DPPA3: variants seen among roughly 807,000 people sequenced by gnomAD.
The protein encoded by DPPA3 is developmental pluripotency-associated protein 3.
DPPA3 carries 9 observed loss-of-function variants against 15.6 expected under a neutral mutation model. That is an observed-to-expected ratio of 0.58 (90% CI 0.35 to 1.01). The LOEUF is 1.01. Among genes scored for constraint, DPPA3 ranks in the 50% least tolerant of loss-of-function variants. The pLI is 0.02. For missense variants in DPPA3, 148 were observed against 194.6 expected (o/e 0.76, Z 1.42); for synonymous variants, 61 against 70.9 (o/e 0.86, Z 0.70).
Position 7,716,239 on chromosome 12 carries a change from G to A in DPPA3, c.369G>A (p.Lys123=). ...RPTNKEPKGV[K]KESRPFKCPC... ...CAAACAAGGAGCCTAAGGGAGTTAA[G>A]GTAAGTATAATTTTTTTCTTTTTAT... is the stretch of plus-strand genomic sequence containing the variant. The change falls in exon 3 of 4, where the codon AAG becomes AAA. Residue 123 remains lysine, a splice_region_variant and synonymous_variant. Transcript: ENST00000345088. 6.3e-7 allele frequency: 1 copy of A among 1,579,712 alleles called. No homozygotes were observed. Among genetic ancestry groups the A allele is most frequent in the Non-Finnish European group, 8.6e-7 (1 of 1,167,206 alleles).
chr12:7,713,792 C>T (rs1311579469), intron 1 of DPPA3, among the ~76,000 whole-genome samples: 6 of 152,222 alleles, frequency 3.9e-5, no homozygotes. Flanking sequence ...TCACAAGATT[C>T]CACAGAATGT....
intron 1 of DPPA3, among the ~76,000 whole-genome samples, chr12:7,713,963 T>C (rs1326678616): frequency 6.6e-6 from 1 of 152,090 alleles, no homozygotes; most frequent in Non-Finnish European, 1.5e-5. Flanking sequence ...CAATGAGCCA[T>C]GATAGTGCCA....
intron 3 of DPPA3, 75 bp from the exon 4 acceptor site, chr12:7,716,892 C>T: frequency 3.0e-6 from 4 of 1,345,106 alleles, no homozygotes; most frequent in Non-Finnish European, 3.2e-6. Context: ...AAATAAACAA[C>T]ATTATAGTTG....
intron 1 of DPPA3, 68 bp downstream of exon 1, chr12:7,711,720 CT>C (rs3069565): frequency 0.039 from 13,033 of 337,500 alleles, 989 homozygotes; most frequent in African/African-American, 0.083. Context: ...AGGCTGCCGT[CT>C]TTTTTTTTTT....
At position 7,711,555 on chromosome 12, in the gene DPPA3, T is replaced by C. The variant is rs1565453902; in HGVS notation, c.-16T>C. ...TCAAAGATCCTGGAGAAGCCTAGTGTTGTGTCAAGACGCCGATGGACCCAT... is the reference window on the plus strand; with the variant it reads ...TCAAAGATCCTGGAGAAGCCTAGTGCTGTGTCAAGACGCCGATGGACCCAT... On this transcript the variant is annotated 5_prime_UTR_variant, in exon 1 of 4. Transcript: ENST00000345088. 6.2e-7 allele frequency: 1 copy of C among 1,611,836 alleles called. No homozygotes were observed. Among genetic ancestry groups the C allele is most frequent in the Admixed American group, 1.7e-5 (1 of 59,576 alleles).
At chr12:7,716,925 G>T (rs749207668) in intron 3 of DPPA3, 42 bp from the exon 4 acceptor site, 12 of 1,505,816 alleles carry the variant, frequency 8.0e-6, no homozygotes, top group Non-Finnish European at 1.8e-6. Context: ...ATTTCTCTGG[G>T]GTACAATATT....
chr12:7,714,707 T>C (rs1199917534), intron 1 of DPPA3, among the ~76,000 whole-genome samples: 1 of 143,442 alleles, frequency 7.0e-6, no homozygotes, highest in Non-Finnish European at 1.6e-5. Context: ...ATTTCTATTT[T>C]TATTTTTATT....
At chr12:7,714,413 A>G (rs900918032) in intron 1 of DPPA3, among the ~76,000 whole-genome samples, 1 of 121,198 alleles carries the variant, frequency 8.3e-6, no homozygotes, top group Non-Finnish European at 2.0e-5. Flanking sequence ...GATTGGTTGG[A>G]AAAAATTCTC....
rs1211457619 is a variant in DPPA3, at chr12:7,717,085, T to C, written c.*8T>C. Reference sequence around the variant, plus strand: ...AAGCCACTTCAGCCATAAATCTTATTCTTGCACCTTTTTTTCTTGGTAGTA... The same window carrying C: ...AAGCCACTTCAGCCATAAATCTTATCCTTGCACCTTTTTTTCTTGGTAGTA... On this transcript the variant is annotated 3_prime_UTR_variant, in exon 4 of 4. Transcript: ENST00000345088. 6.3e-7 allele frequency: 1 copy of C among 1,586,170 alleles called. No homozygotes were observed. The highest frequency in any genetic ancestry group is 8.6e-7 in the Non-Finnish European group (1 of 1,159,700).
intron 2 of DPPA3, 74 bp from the exon 3 acceptor site, chr12:7,716,124 C>T: frequency 7.7e-7 from 1 of 1,299,212 alleles, no homozygotes; most frequent in Non-Finnish European, 1.1e-6. Flanking sequence ...TAGCTTCTCT[C>T]CCTTATATAG....
intron 1 of DPPA3, 150 bp from the exon 2 acceptor site, chr12:7,715,033 A>G (rs1864382345): frequency 8.1e-7 from 1 of 1,228,068 alleles, no homozygotes; most frequent in Non-Finnish European, 1.1e-6. Flanking sequence ...TTTTTGAGAA[A>G]AGACTAGAGG....
At chr12:7,712,724 G>A (rs946406588) in intron 1 of DPPA3, among the ~76,000 whole-genome samples, 11 of 151,908 alleles carry the variant, frequency 7.2e-5, no homozygotes, top group Non-Finnish European at 1.5e-4. Flanking sequence ...GGGATTACAG[G>A]CGTAAGCCAG....
chr12:7,711,837 T>C (rs1484441889), intron 1 of DPPA3, among the ~76,000 whole-genome samples, 185 bp downstream of exon 1: 1 of 148,520 alleles, frequency 6.7e-6, no homozygotes, highest in Non-Finnish European at 1.5e-5. Flanking sequence ...AAGACTTTAT[T>C]AAAAGCGGTG....
chr12:7,716,845 CCT>C, intron 3 of DPPA3, 120 bp from the exon 4 acceptor site: 1 of 909,260 alleles, frequency 1.1e-6, no homozygotes, highest in African/African-American at 1.7e-5. Flanking sequence ...GCCCGTGTGT[CCT>C]TTTTTGTGTG....
chr12:7,716,357 C>G (rs1864399334), intron 3 of DPPA3, 118 bp downstream of exon 3: 2 of 761,200 alleles, frequency 2.6e-6, no homozygotes, highest in Non-Finnish European at 4.2e-6. Context: ...CTTGGACTTT[C>G]TGAATCCCCA....
chr12:7,715,701 G>C (rs1350076098), intron 2 of DPPA3, among the ~76,000 whole-genome samples: 1 of 152,116 alleles, frequency 6.6e-6, no homozygotes, highest in Non-Finnish European at 1.5e-5. Flanking sequence ...GGAGGCTGAG[G>C]CTAGAGAATT....
At chr12:7,714,977 T>C (rs1334452901) in intron 1 of DPPA3, among the ~76,000 whole-genome samples, 1 of 151,960 alleles carries the variant, frequency 6.6e-6, no homozygotes, top group Non-Finnish European at 1.5e-5. Context: ...CCTCCCAAAG[T>C]GCTGGGATTA....
chr12:7,717,037 C>T lies in DPPA3; in HGVS notation c.440C>T (p.Ala147Val), dbSNP rs752855109. 1 of 1,613,586 alleles carries T rather than the reference C, an allele frequency of 6.2e-7. No individual in the cohort carries two copies. Among genetic ancestry groups the T allele is most frequent in the Non-Finnish European group, 8.5e-7 (1 of 1,179,900 alleles). The change falls in exon 4 of 4, where the codon GCT becomes GTT. Residue 147 changes from alanine to valine, a missense_variant. Physicochemically the swap from Ala to Val is moderately conservative, Grantham distance 64 (BLOSUM62 0). Coordinates refer to ENST00000345088, the MANE Select transcript of DPPA3 (RefSeq NM_199286.4). The stretch of plus-strand genomic sequence containing the variant: ...AATGGATGGGATCCTTCTGAGAATG[C>T]TAGAATAGGGAATCAAGACACCAAG... ...VSNGWDPSEN[A>V]RIGNQDTKPL...
chr12:7,711,970 C>A (rs1592080335), intron 1 of DPPA3, among the ~76,000 whole-genome samples: 1 of 145,696 alleles, frequency 6.9e-6, no homozygotes, highest in East Asian at 2.0e-4. Flanking sequence ...GGCTGGAGTG[C>A]AGTGGCGCGA....
Sources: allele counts gnomAD v4.1 joint callset (sites outside exome capture counted in the v4.1 genomes callset), GRCh38; gene constraint gnomAD v4.1.1; transcripts MANE v1.5; gene names NCBI Gene and HGNC (gene_info 2026-07-23, HGNC 2026-07-21).